MOB1A: variants seen among roughly 807,000 people sequenced by gnomAD.
MOB1A encodes the protein MOB1 Mps One Binder homolog A.
A neutral mutation model predicts 25.1 loss-of-function variants in MOB1A; 10 were observed. The observed-to-expected ratio is 0.40, with a 90% CI of 0.25 to 0.68. The LOEUF (loss-of-function observed/expected upper bound fraction) is 0.68. MOB1A is among the 30% of genes least tolerant of loss of function. MOB1A has a pLI of 0.40. For missense variants in MOB1A, 177 were observed against 256.3 expected (o/e 0.69, Z 2.11); for synonymous variants, 81 against 79.5 (o/e 1.02, Z -0.10).
At chr2:74,171,919 A>G (rs1693306091) in intron 2 of MOB1A, among the ~76,000 whole-genome samples, 1 of 152,178 alleles carries the variant, frequency 6.6e-6, no homozygotes, top group African/African-American at 2.4e-5. Flanking sequence ...AAATAAATAA[A>G]TAAATAAATA....
intron 3 of MOB1A, 107 bp downstream of exon 3, chr2:74,166,907 G>A (rs56873314): frequency 2.6e-6 from 2 of 768,142 alleles, no homozygotes; most frequent in East Asian, 5.2e-5. Context: ...CAATAAAACT[G>A]AATCACCTTC....
intron 1 of MOB1A, among the ~76,000 whole-genome samples, chr2:74,173,027 T>C (rs546139242): frequency 4.7e-4 from 72 of 152,128 alleles, no homozygotes; most frequent in Non-Finnish European, 8.1e-4. Context: ...TCCCAGCTAC[T>C]TGGGAGGCTG....
intron 2 of MOB1A, among the ~76,000 whole-genome samples, chr2:74,168,552 A>C (rs1693195163): frequency 6.6e-6 from 1 of 152,108 alleles, no homozygotes; most frequent in African/African-American, 2.4e-5. Flanking sequence ...CTGAAGTGGA[A>C]GGATCCCTTG....
At chr2:74,159,904 C>CCT (rs2103695537) in intron 4 of MOB1A, among the ~76,000 whole-genome samples, 1 of 148,480 alleles carries the variant, frequency 6.7e-6, no homozygotes, top group Non-Finnish European at 1.5e-5. Flanking sequence ...GTTACCTCCA[C>CCT]CTCCCAGGCT....
intron 1 of MOB1A, chr2:74,178,404 A>C: frequency 6.9e-5 from 21 of 305,218 alleles, no homozygotes; most frequent in East Asian, 2.0e-4. Context: ...CTCGGGCGGA[A>C]AAGTTTGGAG....
At chr2:74,164,043 T>C (rs183105623) in intron 4 of MOB1A, 1 of 152,260 alleles carries the variant, frequency 6.6e-6, no homozygotes, top group African/African-American at 2.4e-5. Context: ...AGAGCCACAG[T>C]CACCAACGTG....
At chr2:74,168,868 T>C (rs1006738910) in intron 2 of MOB1A, among the ~76,000 whole-genome samples, 7 of 152,210 alleles carry the variant, frequency 4.6e-5, no homozygotes, top group African/African-American at 1.7e-4. Flanking sequence ...CAGGTGGAAG[T>C]TGGTTTGGTC....
intron 1 of MOB1A, 48 bp downstream of exon 1, chr2:74,178,613 C>G (rs778384951): frequency 2.1e-4 from 285 of 1,361,470 alleles, no homozygotes; most frequent in Non-Finnish European, 2.7e-4. Context: ...AGGCCTCCCC[C>G]ACAACCTCGG....
chr2:74,163,805 A>C (rs1693048745), intron 4 of MOB1A, among the ~76,000 whole-genome samples: 1 of 152,196 alleles, frequency 6.6e-6, no homozygotes, highest in African/African-American at 2.4e-5. Context: ...AATAAAGCTA[A>C]AGACATGAAT....
Position 74,178,646 on chromosome 2 carries a change from C to T in MOB1A, c.14+15G>A. 7.2e-7 allele frequency: 1 copy of T among 1,382,648 alleles called. No individual in the cohort carries two copies. The highest frequency in any genetic ancestry group is 9.4e-7 in the Non-Finnish European group (1 of 1,061,854). 85.6% of individuals were successfully genotyped at this position (1,382,648 alleles called of 1,614,324 possible). A position where few individuals can be genotyped will look rare whatever the true frequency, so the allele number is the denominator to read the frequency against. On this transcript the variant is annotated intron_variant, in intron 1 of 5. Transcript: ENST00000396049. ...CGGCCCGCAGGCCCGGCGCCCGCGG[C>T]CCGACCCCACTCACAAGAGGAAGCT...
At position 74,171,742 on chromosome 2, in the gene MOB1A, A is replaced by T. The variant is rs563100258; in HGVS notation, c.181+844T>A. ...ACATGGTGAAACCTTGTCTCTACTA[A>T]AATGTAAAAAATTAGCTGGGTGTGG... On this transcript the variant is annotated intron_variant, in intron 2 of 5. Coordinates refer to ENST00000396049, the MANE Select transcript of MOB1A (RefSeq NM_018221.5). Among the ~76,000 whole-genome samples, 381 of 152,200 alleles carry T rather than the reference A, an allele frequency of 2.5e-3. 1 individual carries two copies. Among genetic ancestry groups the T allele is most frequent in the Non-Finnish European group, 3.9e-3 (267 of 68,008 alleles).
At chr2:74,162,341 G>A (rs1274019163) in intron 4 of MOB1A, among the ~76,000 whole-genome samples, 1 of 152,116 alleles carries the variant, frequency 6.6e-6, no homozygotes, top group Non-Finnish European at 1.5e-5. Context: ...AACTAGCCAG[G>A]TGTGGTGGTG....
chr2:74,167,700 A>T (rs1693171758), intron 2 of MOB1A, among the ~76,000 whole-genome samples: 1 of 152,210 alleles, frequency 6.6e-6, no homozygotes, highest in Admixed American at 6.5e-5. Flanking sequence ...CACCAGCTGT[A>T]TCCAGAGGCA....
chr2:74,160,687 G>T (rs946811368), intron 4 of MOB1A, among the ~76,000 whole-genome samples: 1 of 151,242 alleles, frequency 6.6e-6, no homozygotes, highest in Non-Finnish European at 1.5e-5. Flanking sequence ...GTGACAGAGC[G>T]AGACTCCGTC....
intron 2 of MOB1A, among the ~76,000 whole-genome samples, chr2:74,167,322 T>C (rs1029344120): frequency 1.3e-5 from 2 of 152,162 alleles, no homozygotes; most frequent in African/African-American, 4.8e-5. Context: ...CTTGGCTCAC[T>C]GCAACCTCCG....
rs1692963031 is a variant in MOB1A at position 74,161,265 on chromosome 2, T to C, written c.410-2011A>G. Among the ~76,000 whole-genome samples, 3 of 152,286 alleles carry C rather than the reference T, an allele frequency of 2.0e-5. No homozygotes were observed. The South Asian group carries it at 6.2e-4, about 32-fold the overall frequency. ...TGGTTATTCTCCACCACCACCCCAG[T>C]CCTCATTAACGTGACTTTTCAGACA... On this transcript the variant is annotated intron_variant, in intron 4 of 5. Coordinates refer to ENST00000396049, the MANE Select transcript of MOB1A (RefSeq NM_018221.5).
chr2:74,171,141 G>A (rs1358692389), intron 2 of MOB1A, among the ~76,000 whole-genome samples: 1 of 151,928 alleles, frequency 6.6e-6, no homozygotes, highest in Non-Finnish European at 1.5e-5. Flanking sequence ...TTAGCCGGGC[G>A]TGGTGGCGGA....
intron 2 of MOB1A, 144 bp from the exon 3 acceptor site, chr2:74,167,251 G>C: frequency 1.6e-6 from 1 of 617,706 alleles, no homozygotes; most frequent in Admixed American, 3.0e-5. Context: ...GTAACTTGTA[G>C]TATACTACAC....
At chr2:74,167,715 A>C (rs769714516) in intron 2 of MOB1A, among the ~76,000 whole-genome samples, 2 of 152,326 alleles carry the variant, frequency 1.3e-5, no homozygotes, top group Non-Finnish European at 2.9e-5. Flanking sequence ...GAGGCATTTA[A>C]AAGATCTAAT....
Sources: allele counts gnomAD v4.1 joint callset (sites outside exome capture counted in the v4.1 genomes callset), GRCh38; gene constraint gnomAD v4.1.1; transcripts MANE v1.5; gene names NCBI Gene and HGNC (gene_info 2026-07-23, HGNC 2026-07-21).